Variants in DGKI observed in about 807,000 individuals in gnomAD.
DGKI encodes the protein DAG kinase iota.
DGKI carries 55 observed loss-of-function variants against 147.5 expected under a neutral mutation model. The ratio of observed to expected loss-of-function variants is 0.37; its 90% CI spans 0.30 to 0.47. The LOEUF (loss-of-function observed/expected upper bound fraction) is 0.47. Ranked by LOEUF, DGKI falls within the 20% of genes least tolerant of loss-of-function variation. The probability of loss-of-function intolerance (pLI) is 1.00; values close to 1 mark genes in which losing one functional copy is unlikely to be tolerated. For missense variants in DGKI, 1,007 were observed against 1,323.8 expected (o/e 0.76, Z 3.71); for synonymous variants, 469 against 477.1 (o/e 0.98, Z 0.22).
In DGKI at chr7:137,689,965, G is replaced by T; in HGVS notation, c.439C>A (p.Pro147Thr). ...ISRAGLQHLA[P>T]AHPLSLPVAN... The stretch of plus-strand genomic sequence containing the variant: ...ACAGGAAGGCTGAGGGGATGTGCAG[G>T]AGCCAGATGCTGGAGGCCTGCCCGG... The change falls in exon 2 of 33, where the codon CCT (proline) becomes ACT (threonine). Residue 147 changes from proline (P) to threonine (T), a missense_variant. This residue lies in a region of DGKI where 259 missense variants were observed against 362.5 expected (regional missense o/e 0.71). Transcript: ENST00000614521. 6.2e-7 allele frequency: 1 copy of T among 1,609,468 alleles called. No individual in the cohort carries two copies. The highest frequency in any genetic ancestry group is 8.5e-7 in the Non-Finnish European group (1 of 1,178,044).
intron 2 of DGKI, among the ~76,000 whole-genome samples, chr7:137,688,461 A>C (rs1462726326): frequency 6.6e-6 from 1 of 152,232 alleles, no homozygotes; most frequent in Non-Finnish European, 1.5e-5. Flanking sequence ...AGGACGTTGA[A>C]GCTGAAAGAA....
chr7:137,400,796 TAATC>T (rs1356619528), intron 30 of DGKI, among the ~76,000 whole-genome samples: 5 of 152,076 alleles, frequency 3.3e-5, no homozygotes, highest in South Asian at 2.1e-4. Context: ...GGCTCTGAAA[TAATC>T]AATTTAATTA....
intron 21 of DGKI, among the ~76,000 whole-genome samples, chr7:137,517,856 C>T (rs1254686234): frequency 3.3e-5 from 5 of 152,102 alleles, no homozygotes; most frequent in Non-Finnish European, 7.4e-5. Context: ...CTTGTCATTA[C>T]AGCAGATGTT....
intron 1 of DGKI, among the ~76,000 whole-genome samples, chr7:137,814,899 T>C (rs1797695648): frequency 6.6e-6 from 1 of 151,876 alleles, no homozygotes; most frequent in Non-Finnish European, 1.5e-5. Context: ...TAAAAGAAAA[T>C]ACACTCCTTC....
intron 19 of DGKI, among the ~76,000 whole-genome samples, chr7:137,555,152 G>A (rs111946032): frequency 0.01 from 1,575 of 151,682 alleles, 22 homozygotes; most frequent in African/African-American, 0.036. Context: ...CTGACTTCGT[G>A]ATCCTCCCGC....
At chr7:137,790,719 C>G (rs540982471) in intron 1 of DGKI, among the ~76,000 whole-genome samples, 2 of 152,310 alleles carry the variant, frequency 1.3e-5, no homozygotes, top group African/African-American at 4.8e-5. Flanking sequence ...CCATTCTCTC[C>G]CTGCTAACTG....
At chr7:137,710,323 A>G (rs1794174530) in intron 1 of DGKI, among the ~76,000 whole-genome samples, 1 of 152,012 alleles carries the variant, frequency 6.6e-6, no homozygotes, top group African/African-American at 2.4e-5. Flanking sequence ...AGGAGTTAAG[A>G]CTCCCTAGGA....
At chr7:137,490,671 C>T (rs1815732000) in intron 21 of DGKI, among the ~76,000 whole-genome samples, 1 of 150,318 alleles carries the variant, frequency 6.7e-6, no homozygotes, top group African/African-American at 2.5e-5. Context: ...TACCACCTTC[C>T]TTCTACACTA....
At chr7:137,844,590 T>A (rs143709233) in intron 1 of DGKI, among the ~76,000 whole-genome samples, 1 of 152,320 alleles carries the variant, frequency 6.6e-6, no homozygotes, top group East Asian at 1.9e-4. Context: ...AGAATCCACC[T>A]CTATGTAAGG....
At chr7:137,468,558 T>C (rs1402485924) in intron 24 of DGKI, among the ~76,000 whole-genome samples, 3 of 152,230 alleles carry the variant, frequency 2.0e-5, no homozygotes, top group Non-Finnish European at 4.4e-5. Flanking sequence ...TCATGATTTA[T>C]GTGGGTTAGA....
intron 20 of DGKI, among the ~76,000 whole-genome samples, chr7:137,537,250 G>A (rs755516357): frequency 3.3e-5 from 5 of 152,136 alleles, no homozygotes; most frequent in Admixed American, 2.0e-4. Context: ...TTGCTCAGAA[G>A]TTTAGAGAGC....
At chr7:137,571,590 C>G (rs1042246609) in intron 18 of DGKI, among the ~76,000 whole-genome samples, 1 of 152,120 alleles carries the variant, frequency 6.6e-6, no homozygotes, top group Non-Finnish European at 1.5e-5. Flanking sequence ...CATGAATTAT[C>G]TATAGGTGGT....
intron 27 of DGKI, among the ~76,000 whole-genome samples, chr7:137,456,485 G>A (rs7778455): frequency 0.04 from 6,159 of 152,222 alleles, 310 homozygotes; most frequent in East Asian, 0.12. Flanking sequence ...TGCCTTGTTG[G>A]ATGCCTACCA....
At chr7:137,504,588 T>C (rs1816301095) in intron 21 of DGKI, among the ~76,000 whole-genome samples, 1 of 152,190 alleles carries the variant, frequency 6.6e-6, no homozygotes, top group Admixed American at 6.5e-5. Flanking sequence ...ATAGTCATCT[T>C]AGAATAAGCT....
chr7:137,618,149 A>ATTTTTT (rs1202086534), intron 8 of DGKI, among the ~76,000 whole-genome samples: 1 of 6,840 alleles, frequency 1.5e-4, no homozygotes, highest in Non-Finnish European at 4.8e-4. Context: ...ATATATATAT[A>ATTTTTT]TATTTTTTTT....
At chr7:137,538,483 C>T (rs1489941766) in intron 20 of DGKI, among the ~76,000 whole-genome samples, 1 of 152,166 alleles carries the variant, frequency 6.6e-6, no homozygotes, top group Admixed American at 6.5e-5. Flanking sequence ...AATAAGCAGA[C>T]CCACACAATT....
chr7:137,620,012 T>TACACACAC, intron 7 of DGKI, 72 bp from the exon 8 acceptor site: 1 of 715,004 alleles, frequency 1.4e-6, no homozygotes, highest in South Asian at 1.6e-5. Context: ...GATAAATATG[T>TACACACAC]ACACACGCAC....
intron 30 of DGKI, among the ~76,000 whole-genome samples, chr7:137,400,961 T>C (rs1407694583): frequency 6.6e-6 from 1 of 152,198 alleles, no homozygotes; most frequent in Non-Finnish European, 1.5e-5. Context: ...CATTTTCTAA[T>C]CATTTTTGGC....
intron 2 of DGKI, among the ~76,000 whole-genome samples, chr7:137,681,324 C>A (rs1319730336): frequency 6.6e-6 from 1 of 152,152 alleles, no homozygotes; most frequent in Admixed American, 6.5e-5. Flanking sequence ...CCTTGTGGGA[C>A]AACAGCAGAT....
Sources: gnomAD v4.1 joint callset for allele counts (sites outside exome capture counted in the v4.1 genomes callset) on GRCh38, gnomAD v4.1.1 for gene constraint, gnomAD v4.1.1 regional missense constraint, MANE v1.5 for transcripts, NCBI Gene and HGNC (gene_info 2026-07-23, HGNC 2026-07-21) for gene names.